The following MYO9B variants were observed in gnomAD, a reference collection of about 807,000 sequenced individuals.
MYO9B encodes myosin IXB.
MYO9B carries 71 observed loss-of-function variants against 229.5 expected under a neutral mutation model. The ratio of observed to expected loss-of-function variants is 0.31; its 90% CI spans 0.26 to 0.38. The LOEUF (loss-of-function observed/expected upper bound fraction) is 0.38, where lower values mean the gene tolerates loss of function less well. MYO9B is among the 10% of genes least tolerant of loss of function. MYO9B has a pLI of 1.00. For missense variants in MYO9B, 2,255 were observed against 2,920.5 expected, an observed-to-expected ratio of 0.77 and a Z score of 5.25; for synonymous variants, 1,185 against 1,235.8, an observed-to-expected ratio of 0.96 and a Z score of 0.86.
At chr19:17,081,319 G>A (rs2057532079) in intron 1 of MYO9B, among the ~76,000 whole-genome samples, 1 of 152,172 alleles carries the variant, frequency 6.6e-6, no homozygotes, top group South Asian at 2.1e-4. Flanking sequence ...GAGCCACCGT[G>A]CCCGGCCTCA....
intron 1 of MYO9B, among the ~76,000 whole-genome samples, chr19:17,076,784 C>T (rs1257898136): frequency 6.6e-6 from 1 of 152,196 alleles, no homozygotes; most frequent in Non-Finnish European, 1.5e-5. Context: ...GGGGCCGGAA[C>T]TGTGTTTCAG....
At chr19:17,115,418 C>T (rs1426169007) in intron 2 of MYO9B, among the ~76,000 whole-genome samples, 3 of 151,446 alleles carry the variant, frequency 2.0e-5, no homozygotes, top group South Asian at 2.1e-4. Flanking sequence ...GTACATCCAC[C>T]GCTTCGTAGA....
At chr19:17,189,623 CA>C (rs917928954) in intron 19 of MYO9B, among the ~76,000 whole-genome samples, 3 of 150,334 alleles carry the variant, frequency 2.0e-5, no homozygotes, top group South Asian at 2.1e-4. Context: ...GACTCCGTCT[CA>C]AAAAAAAACA....
chr19:17,172,148 G>A lies in MYO9B; in HGVS notation c.1794-188G>A, dbSNP rs987556479. Among the ~76,000 whole-genome samples, 8 of 152,058 alleles carry A rather than the reference G, an allele frequency of 5.3e-5. No individual in the cohort carries two copies. Among genetic ancestry groups the A allele is most frequent in the Admixed American group, 1.3e-4 (2 of 15,264 alleles). ...CATGTTCGGCATGAGGCAGGCAGGC[G>A]CACTGTCATTCCTTCCTTTCTTCAC... On this transcript the variant is annotated intron_variant, in intron 11 of 39. Coordinates refer to ENST00000682292, the MANE Select transcript of MYO9B (RefSeq NM_004145.4). This position sits in a 1 kb window ranked among gnomAD's most constrained non-coding sequence, Gnocchi z 8.2.
chr19:17,080,945 C>G (rs982574533), intron 1 of MYO9B, among the ~76,000 whole-genome samples: 1 of 151,876 alleles, frequency 6.6e-6, no homozygotes, highest in Admixed American at 6.6e-5. Context: ...GTGAATATTT[C>G]TTTGTGGAGG....
At chr19:17,130,371 C>T (rs1430293652) in intron 2 of MYO9B, among the ~76,000 whole-genome samples, 2 of 152,148 alleles carry the variant, frequency 1.3e-5, no homozygotes, top group Admixed American at 1.3e-4. Context: ...AATCCCAGCA[C>T]TTTGGGAGGC....
intron 2 of MYO9B, among the ~76,000 whole-genome samples, chr19:17,107,854 A>G (rs2057806949): frequency 6.6e-6 from 1 of 152,082 alleles, no homozygotes; most frequent in Admixed American, 6.5e-5. Context: ...CCTATTTCCA[A>G]ATAAGGTCAC....
intron 17 of MYO9B, among the ~76,000 whole-genome samples, chr19:17,185,352 C>T (rs1310425104): frequency 5.5e-5 from 8 of 144,658 alleles, no homozygotes; most frequent in Admixed American, 1.4e-4. Context: ...CCAGCCTGGG[C>T]GACAGAGCAA....
At position 17,154,079 on chromosome 19, in the gene MYO9B, A is replaced by G; in HGVS notation, c.1098+13A>G. 3 of 1,602,588 alleles carry G rather than the reference A, an allele frequency of 1.9e-6. No individual in the cohort carries two copies. The highest frequency in any genetic ancestry group is 2.6e-6 in the Non-Finnish European group (3 of 1,173,212). ...CTACCTCAACCAGGTAAACAGCCTCAAGCCCGAGCCACAAACGCCACCTCT... is the reference window on the plus strand; with the variant it reads ...CTACCTCAACCAGGTAAACAGCCTCGAGCCCGAGCCACAAACGCCACCTCT... On this transcript the variant is annotated intron_variant, in intron 5 of 39. Transcript: ENST00000682292.
intron 1 of MYO9B, among the ~76,000 whole-genome samples, chr19:17,089,066 A>G (rs2057611797): frequency 6.6e-6 from 1 of 151,952 alleles, no homozygotes; most frequent in South Asian, 2.1e-4. Flanking sequence ...TTTCTTAACA[A>G]TTTCTTCTCT....
chr19:17,125,865 T>G (rs2058012146), intron 2 of MYO9B, among the ~76,000 whole-genome samples: 1 of 152,090 alleles, frequency 6.6e-6, no homozygotes, highest in Admixed American at 6.6e-5. Context: ...AGCCTCCACT[T>G]CCTCCTCTGC....
intron 32 of MYO9B, 22 bp from the exon 33 acceptor site, chr19:17,206,226 A>ATCCCCCCCCCC: frequency 1.5e-6 from 1 of 654,260 alleles, no homozygotes; most frequent in Non-Finnish European, 2.5e-6. Context: ...CGCTCACCAG[A>ATCCCCCCCCCC]CCCACCCCAC....
chr19:17,104,872 T>C (rs1471184634), intron 2 of MYO9B, among the ~76,000 whole-genome samples: 1 of 152,166 alleles, frequency 6.6e-6, no homozygotes, highest in African/African-American at 2.4e-5. Context: ...ATTCGTGTGG[T>C]GTGTTGGTTG....
At chr19:17,090,321 G>GT (rs1310809904) in intron 1 of MYO9B, among the ~76,000 whole-genome samples, 13 of 150,942 alleles carry the variant, frequency 8.6e-5, no homozygotes, top group East Asian at 5.8e-4. Flanking sequence ...TTTTTGTGTT[G>GT]TTTTTTTTCT....
At chr19:17,184,656 C>T (rs932754845) in intron 16 of MYO9B, 31 of 545,220 alleles carry the variant, frequency 5.7e-5, no homozygotes, top group African/African-American at 1.1e-4. Flanking sequence ...TCAGCCCTCC[C>T]GGAACCAGCG....
intron 6 of MYO9B, 38 bp from the exon 7 acceptor site, chr19:17,156,871 T>C (rs1215406397): frequency 6.3e-7 from 1 of 1,597,940 alleles, no homozygotes; most frequent in South Asian, 1.1e-5. Flanking sequence ...CTTAGGAACG[T>C]AGAAACTACC....
intron 20 of MYO9B, 35 bp downstream of exon 20, chr19:17,191,254 C>T (rs2072981995): frequency 3.8e-6 from 6 of 1,596,296 alleles, no homozygotes; most frequent in Non-Finnish European, 4.3e-6. Flanking sequence ...ACTACAAACC[C>T]ACACCCTGCC....
rs1295454345 is a variant in MYO9B, at chr19:17,206,711, A to G, written c.5419A>G (p.Ile1807Val). The change falls in exon 34 of 40, where the codon ATC (isoleucine) becomes GTC (valine). Residue 1807 changes from isoleucine (I) to valine (V), a missense_variant. Transcript: ENST00000682292. Reference protein sequence around the residue: ...LPEKQEQLAAIYAVLEHLPEA... With the variant: ...LPEKQEQLAAVYAVLEHLPEA... ...GGAGAAGCAGGAGCAGCTGGCTGCC[A>G]TCTATGCCGTCCTGGAGCACCTTCC... The G allele has an allele frequency of 1.3e-6, 2 of 1,586,150 alleles. No individual in the cohort carries two copies. The highest frequency in any genetic ancestry group is 1.7e-6 in the Non-Finnish European group (2 of 1,167,242).
chr19:17,078,427 C>G (rs1447315938), intron 1 of MYO9B, among the ~76,000 whole-genome samples: 1 of 152,184 alleles, frequency 6.6e-6, no homozygotes, highest in Non-Finnish European at 1.5e-5. Context: ...GTAGTCCCAG[C>G]TACTCTGGAG....
Sources: allele counts gnomAD v4.1 joint callset (sites outside exome capture counted in the v4.1 genomes callset), GRCh38; gene constraint gnomAD v4.1.1; non-coding constraint Gnocchi (gnomAD v3.1); transcripts MANE v1.5; gene names NCBI Gene and HGNC (gene_info 2026-07-23, HGNC 2026-07-21).